The following PTGES3 variants were observed in gnomAD, a reference collection of about 807,000 sequenced individuals.
PTGES3 encodes Hsp90 co-chaperone.
In PTGES3, 5 loss-of-function variants were observed where a neutral mutation model predicts 29.9. That is an observed-to-expected ratio of 0.17 (90% CI 0.09 to 0.35). The LOEUF (loss-of-function observed/expected upper bound fraction) is 0.35, where lower values mean the gene tolerates loss of function less well. Among genes scored for constraint, PTGES3 ranks in the 10% least tolerant of loss-of-function variants. The probability of loss-of-function intolerance (pLI) is 1.00; values close to 1 mark genes in which losing one functional copy is unlikely to be tolerated. For synonymous variants in PTGES3, 49 were observed against 57.8 expected, an observed-to-expected ratio of 0.85 and a Z score of 0.69; for missense variants, 128 against 190.0, an observed-to-expected ratio of 0.67 and a Z score of 1.92.
chr12:56,668,278 C>T (rs1445941411), intron 5 of PTGES3, among the ~76,000 whole-genome samples: 1 of 152,196 alleles, frequency 6.6e-6, no homozygotes, highest in Non-Finnish European at 1.5e-5. Context: ...CTACTCAATA[C>T]TTTAAGTTTC....
chr12:56,687,727 C>A, intron 1 of PTGES3: 1 of 1,357,844 alleles, frequency 7.4e-7, no homozygotes, highest in Admixed American at 3.6e-5. Flanking sequence ...CCGAAAGAGG[C>A]GAGTAACCCA....
At chr12:56,687,872 C>G (rs1565882972) in intron 1 of PTGES3, 126 bp downstream of exon 1, 4 of 1,557,982 alleles carry the variant, frequency 2.6e-6, no homozygotes, top group Non-Finnish European at 3.4e-6. Flanking sequence ...TCCTGGACCT[C>G]CCGCCCCCAG....
chr12:56,674,285 C>A (rs1196604731), intron 1 of PTGES3, among the ~76,000 whole-genome samples: 1 of 151,766 alleles, frequency 6.6e-6, no homozygotes, highest in African/African-American at 2.4e-5. Flanking sequence ...AAGGAAAGGC[C>A]TCAGAAGAAA....
intron 6 of PTGES3, chr12:56,665,240 A>G (rs1218797372): frequency 4.1e-6 from 4 of 985,172 alleles, no homozygotes; most frequent in East Asian, 2.3e-4. Context: ...ATGTTGAGAA[A>G]AGTAGTTTAG....
intron 1 of PTGES3, among the ~76,000 whole-genome samples, chr12:56,680,318 GC>G (rs1256909077): frequency 6.6e-6 from 1 of 151,572 alleles, no homozygotes; most frequent in African/African-American, 2.4e-5. Flanking sequence ...CAAGTGATCT[GC>G]CCACCTCAGT....
rs1951707063 is a variant in PTGES3, at chr12:56,664,126, G to C, written c.*353C>G. ...AATTTATTCTCTTTCCCTAAGCTGA[G>C]AGCTTCCTATCATGTCAGTATCTAT... On this transcript the variant is annotated 3_prime_UTR_variant, in exon 8 of 8. Transcript: ENST00000262033. 1 of 180,112 alleles carries C rather than the reference G, an allele frequency of 5.6e-6. No individual in the cohort carries two copies. 11.2% of individuals were successfully genotyped at this position (180,112 alleles called of 1,614,324 possible).
rs1951773820 is a variant in PTGES3, at chr12:56,666,073, T to C, written c.438+131A>G. ...TCAAAAATGGGCACATTTTAAAAATTGCTTTTCCCTTTTCTTTTTTTTTAG... is the reference window on the plus strand; with the variant it reads ...TCAAAAATGGGCACATTTTAAAAATCGCTTTTCCCTTTTCTTTTTTTTTAG... On this transcript the variant is annotated intron_variant, in intron 6 of 7. Transcript: ENST00000262033. 12 of 1,402,772 alleles carry C rather than the reference T, an allele frequency of 8.6e-6. No individual in the cohort carries two copies. In the East Asian group the frequency reaches 2.9e-4, roughly 34 times the overall value. 86.9% of individuals were successfully genotyped at this position (1,402,772 alleles called of 1,614,324 possible).
chr12:56,670,205 A>G (rs1951949756), intron 5 of PTGES3, 70 bp downstream of exon 5: 8 of 1,064,562 alleles, frequency 7.5e-6, no homozygotes, highest in African/African-American at 1.6e-5. Context: ...GCCCAAAACC[A>G]TATTAAATTG....
At chr12:56,685,872 G>C (rs989745440) in intron 1 of PTGES3, among the ~76,000 whole-genome samples, 5 of 146,098 alleles carry the variant, frequency 3.4e-5, no homozygotes, top group African/African-American at 1.3e-4. Flanking sequence ...CACCTCCTGG[G>C]TTCAAGCGAT....
chr12:56,684,155 G>GT lies in PTGES3; in HGVS notation c.2+3842dup, dbSNP rs979984796. Among the ~76,000 whole-genome samples, 19 of 151,916 alleles carry GT rather than the reference G, an allele frequency of 1.3e-4. No individual in the cohort carries two copies. The East Asian group carries it at 1.7e-3, about 14-fold the overall frequency. ...TTCTGAACAGTTGATATTTACAAAG[G>GT]TTTTTTTTCCCCTGAAAAGAGACAA... is the stretch of plus-strand genomic sequence containing the variant. On this transcript the variant is annotated intron_variant, in intron 1 of 7. Transcript: ENST00000262033.
At chr12:56,680,003 G>A (rs79009060) in intron 1 of PTGES3, among the ~76,000 whole-genome samples, 1,995 of 152,002 alleles carry the variant, frequency 0.013, 50 homozygotes, top group African/African-American at 0.045. Context: ...GAGAAAAAGA[G>A]ATGGTGTAAT....
chr12:56,679,677 G>GT (rs978814846), intron 1 of PTGES3, among the ~76,000 whole-genome samples: 25 of 151,846 alleles, frequency 1.6e-4, no homozygotes, highest in African/African-American at 5.6e-4. Context: ...TTTTGGGTTT[G>GT]TTTTTTTAGA....
intron 5 of PTGES3, among the ~76,000 whole-genome samples, chr12:56,668,265 G>A (rs948369378): frequency 6.6e-6 from 1 of 152,168 alleles, no homozygotes; most frequent in Non-Finnish European, 1.5e-5. Flanking sequence ...ACCTCCAAAA[G>A]CACTACTCAA....
intron 1 of PTGES3, 58 bp downstream of exon 1, chr12:56,687,940 C>T: frequency 1.2e-6 from 2 of 1,604,018 alleles, no homozygotes; most frequent in South Asian, 1.1e-5. Context: ...TCCAGGGAGC[C>T]CCCAACGCGG....
intron 1 of PTGES3, among the ~76,000 whole-genome samples, chr12:56,685,178 A>T (rs1331895024): frequency 1.3e-5 from 2 of 152,170 alleles, no homozygotes; most frequent in East Asian, 1.9e-4. Flanking sequence ...CTGGATGACG[A>T]CCCATTAAAG....
At chr12:56,667,623 C>T (rs1273740965) in intron 5 of PTGES3, among the ~76,000 whole-genome samples, 1 of 152,144 alleles carries the variant, frequency 6.6e-6, no homozygotes. Flanking sequence ...ATGTAAGATA[C>T]CTAAGATAGT....
chr12:56,671,071 G>C (rs1008394200), intron 4 of PTGES3, among the ~76,000 whole-genome samples: 8 of 152,034 alleles, frequency 5.3e-5, no homozygotes, highest in Admixed American at 4.6e-4. Flanking sequence ...GTTCACACCA[G>C]TGCACTCTGG....
At chr12:56,679,459 T>C (rs1006395460) in intron 1 of PTGES3, among the ~76,000 whole-genome samples, 1 of 150,520 alleles carries the variant, frequency 6.6e-6, no homozygotes, top group African/African-American at 2.4e-5. Context: ...GTGGGGTTTA[T>C]TGTTGTTTTG....
chr12:56,675,076 C>A (rs1231943758), intron 1 of PTGES3, among the ~76,000 whole-genome samples: 2 of 145,736 alleles, frequency 1.4e-5, no homozygotes, highest in African/African-American at 5.1e-5. Flanking sequence ...CAGAGGCAGG[C>A]GGATCACGAG....
Sources: gnomAD v4.1 joint callset for allele counts (sites outside exome capture counted in the v4.1 genomes callset) on GRCh38, gnomAD v4.1.1 for gene constraint, MANE v1.5 for transcripts, NCBI Gene and HGNC (gene_info 2026-07-23, HGNC 2026-07-21) for gene names.